The following LEKR1 variants were observed in gnomAD, a reference collection of about 807,000 sequenced individuals.
LEKR1 encodes protein LEKR1.
A neutral mutation model predicts 72.4 loss-of-function variants in LEKR1; 59 were observed. The observed-to-expected ratio is 0.82, with a 90% confidence interval of 0.66 to 1.01. The LOEUF is 1.01. Ranked by LOEUF, LEKR1 falls within the 50% of genes least tolerant of loss-of-function variation. The probability of loss-of-function intolerance (pLI) is 0.00; values close to 1 mark genes in which losing one functional copy is unlikely to be tolerated. For missense variants in LEKR1, 728 were observed against 759.2 expected, an observed-to-expected ratio of 0.96 and a Z score of 0.48; for synonymous variants, 257 against 263.2, an observed-to-expected ratio of 0.98 and a Z score of 0.23.
intron 2 of LEKR1, among the ~76,000 whole-genome samples, chr3:156,835,960 G>A (rs989866953): frequency 7.5e-6 from 1 of 134,110 alleles, no homozygotes; most frequent in East Asian, 2.5e-4. Flanking sequence ...TGCAACCTTC[G>A]CCTCCTGGGT....
chr3:156,878,097 T>C (rs1001078261), intron 3 of LEKR1, among the ~76,000 whole-genome samples: 3 of 152,124 alleles, frequency 2.0e-5, no homozygotes, highest in African/African-American at 7.2e-5. Context: ...TTTATCTTTT[T>C]TACTTTTTTT....
At chr3:156,973,285 A>T (rs1729401349) in intron 6 of LEKR1, among the ~76,000 whole-genome samples, 1 of 152,126 alleles carries the variant, frequency 6.6e-6, no homozygotes, top group Non-Finnish European at 1.5e-5. Context: ...CATTGAAATG[A>T]TTCAATGAGT....
Position 156,829,348 on chromosome 3 carries a change from A to G in LEKR1, c.19A>G (p.Met7Val). The change falls in exon 2 of 13, where the codon ATG becomes GTG. Residue 7 changes from methionine to valine, a missense_variant. Met to Val is a conservative substitution (Grantham distance 21). Coordinates refer to ENST00000356539, the MANE Select transcript of LEKR1 (RefSeq NM_001004316.3). Reference protein sequence around the residue: MDHHIPMHALPEEIQKM... With the variant: MDHHIPVHALPEEIQKM... The stretch of plus-strand genomic sequence containing the variant: ...GGAAGTTATGGATCATCACATTCCC[A>G]TGCATGCGTTGCCTGAAGAAATCCA... The G allele has an allele frequency of 6.5e-7, 1 of 1,534,750 alleles. No homozygotes were observed. Among genetic ancestry groups the G allele is most frequent in the South Asian group, 1.2e-5 (1 of 83,542 alleles).
Position 156,942,630 on chromosome 3 carries a change from T to C in LEKR1, c.661T>C (p.Leu221=). The part of the protein sequence containing the change: ...NLKLLSDAAI[L]RSQQIRTSRQ... ...GAAATTGTTGTCAGATGCAGCCATATTGAGATCTCAGCAGATTCGGACATC... is the reference window on the plus strand; with the variant it reads ...GAAATTGTTGTCAGATGCAGCCATACTGAGATCTCAGCAGATTCGGACATC... The change falls in exon 6 of 13, where the codon TTG becomes CTG. Residue 221 remains leucine (L), a synonymous_variant. Coordinates refer to ENST00000356539, the MANE Select transcript of LEKR1 (RefSeq NM_001004316.3). 4 of 1,270,460 alleles carry C rather than the reference T, an allele frequency of 3.1e-6. No homozygotes were observed. The highest frequency in any genetic ancestry group is 4.1e-6 in the Non-Finnish European group (4 of 980,492). 78.7% of individuals were successfully genotyped at this position (1,270,460 alleles called of 1,614,324 possible). A position where few individuals can be genotyped will look rare whatever the true frequency, so the allele number is the denominator to read the frequency against.
intron 3 of LEKR1, among the ~76,000 whole-genome samples, chr3:156,865,233 A>G (rs1717174685): frequency 6.6e-6 from 1 of 151,964 alleles, no homozygotes; most frequent in African/African-American, 2.4e-5. Context: ...TTTGAATCAG[A>G]TTGCCTGGAT....
chr3:157,015,861 T>A (rs1407451020), intron 10 of LEKR1, among the ~76,000 whole-genome samples: 2 of 151,812 alleles, frequency 1.3e-5, no homozygotes, highest in African/African-American at 4.8e-5. Context: ...AGCAGAGAAA[T>A]GGAAGATATA....
chr3:156,986,702 T>C (rs1213522932), intron 7 of LEKR1, among the ~76,000 whole-genome samples: 3 of 152,178 alleles, frequency 2.0e-5, no homozygotes, highest in Non-Finnish European at 4.4e-5. Context: ...GGCAAGTTTC[T>C]TTTCTCTTTC....
rs1727745621 is a variant in LEKR1, at chr3:156,957,430, AT to A, written c.745+14723del. Among the ~76,000 whole-genome samples the A allele has an allele frequency of 2.0e-5, 3 of 151,782 alleles. No homozygotes were observed. In the South Asian group the frequency reaches 6.2e-4, roughly 32 times the overall value. ...AGGAGTAATTTTTTTTCTCTTTTAA[AT>A]TTTTTTCTGTTGGTGTTTTAGCAAT... On this transcript the variant is annotated intron_variant, in intron 6 of 12. Coordinates refer to ENST00000356539, the MANE Select transcript of LEKR1 (RefSeq NM_001004316.3).
intron 3 of LEKR1, among the ~76,000 whole-genome samples, chr3:156,871,691 A>G (rs1203646855): frequency 6.6e-6 from 1 of 152,044 alleles, no homozygotes; most frequent in South Asian, 2.1e-4. Context: ...TTTGATTTGC[A>G]TTTCTCTGAT....
intron 2 of LEKR1, among the ~76,000 whole-genome samples, chr3:156,838,887 C>T (rs376966567): frequency 3.3e-5 from 5 of 152,132 alleles, no homozygotes; most frequent in African/African-American, 4.8e-5. Context: ...TGAAATCAAG[C>T]CACTGAGACC....
intron 5 of LEKR1, among the ~76,000 whole-genome samples, chr3:156,929,542 A>C (rs973833510): frequency 6.6e-6 from 1 of 152,148 alleles, no homozygotes; most frequent in Non-Finnish European, 1.5e-5. Context: ...AACTGCTAGC[A>C]CAAATTCCAA....
chr3:156,978,076 A>C (rs1306599355), intron 6 of LEKR1, among the ~76,000 whole-genome samples: 1 of 152,218 alleles, frequency 6.6e-6, no homozygotes, highest in Non-Finnish European at 1.5e-5. Context: ...ATTCTTAGAG[A>C]TAGATAAAGT....
In LEKR1 at chr3:156,830,956, T is replaced by G. The variant is rs557793557; in HGVS notation, c.48+1579T>G. Reference sequence around the variant, plus strand: ...AAGAAAGGGGGTTTTTGGTTTCTTTTTTATTGTTTTTGTATTTGTTTGTTT... The same window carrying G: ...AAGAAAGGGGGTTTTTGGTTTCTTTGTTATTGTTTTTGTATTTGTTTGTTT... On this transcript the variant is annotated intron_variant, in intron 2 of 12. Transcript: ENST00000356539. 1.6e-4 allele frequency among the ~76,000 whole-genome samples: 25 copies of G among 152,334 alleles called. No homozygotes were observed. In the South Asian group the frequency reaches 5.2e-3, roughly 32 times the overall value.
At chr3:156,923,094 T>C (rs1457233837) in intron 4 of LEKR1, among the ~76,000 whole-genome samples, 1 of 152,234 alleles carries the variant, frequency 6.6e-6, no homozygotes, top group Non-Finnish European at 1.5e-5. Flanking sequence ...GGCTTTACTT[T>C]GTTTTCTATC....
chr3:157,023,853 T>G (rs1279535729), intron 10 of LEKR1, among the ~76,000 whole-genome samples: 2 of 152,200 alleles, frequency 1.3e-5, no homozygotes, highest in African/African-American at 2.4e-5. Flanking sequence ...AGTCAAAGTA[T>G]GGATACAGAT....
chr3:156,944,342 G>A (rs910567536), intron 6 of LEKR1, among the ~76,000 whole-genome samples: 1 of 151,824 alleles, frequency 6.6e-6, no homozygotes, highest in Non-Finnish European at 1.5e-5. Context: ...GGCATACAAT[G>A]TATAATAATT....
chr3:156,956,737 C>A (rs1727671565), intron 6 of LEKR1, among the ~76,000 whole-genome samples: 2 of 151,776 alleles, frequency 1.3e-5, no homozygotes, highest in South Asian at 4.2e-4. Context: ...GCCAAACAAC[C>A]TAAAAACAGC....
intron 2 of LEKR1, among the ~76,000 whole-genome samples, chr3:156,831,712 G>A (rs970153423): frequency 6.6e-6 from 1 of 152,146 alleles, no homozygotes; most frequent in African/African-American, 2.4e-5. Context: ...ACTATCATGA[G>A]AAGAGCATGA....
chr3:157,025,426 G>A (rs1293059064), intron 11 of LEKR1, among the ~76,000 whole-genome samples: 3 of 152,108 alleles, frequency 2.0e-5, no homozygotes, highest in Non-Finnish European at 4.4e-5. Flanking sequence ...AGGTTTTCCT[G>A]TTTTTATAGG....
Sources: gnomAD v4.1 joint callset for allele counts (sites outside exome capture counted in the v4.1 genomes callset) on GRCh38, gnomAD v4.1.1 for gene constraint, MANE v1.5 for transcripts, NCBI Gene and HGNC (gene_info 2026-07-23, HGNC 2026-07-21) for gene names.